Variants in ABCA1 observed in about 807,000 individuals in gnomAD.
The protein encoded by ABCA1 is ATP binding cassette subfamily A member 1.
Under a neutral mutation model 262.5 loss-of-function variants are expected in ABCA1, and 133 were observed. The ratio of observed to expected loss-of-function variants is 0.51; its 90% CI spans 0.44 to 0.59. The LOEUF is 0.59. Ranked by LOEUF, ABCA1 falls within the 20% of genes least tolerant of loss-of-function variation. ABCA1 has a pLI of 0.00. For synonymous variants in ABCA1, 1,022 were observed against 1,043.5 expected (o/e 0.98, Z 0.40); for missense variants, 2,452 against 2,777.5 (o/e 0.88, Z 2.63).
chr9:104,800,141 T>A (rs1000630592), intron 35 of ABCA1, among the ~76,000 whole-genome samples, 153 bp from the exon 36 acceptor site: 1 of 152,140 alleles, frequency 6.6e-6, no homozygotes, highest in African/African-American at 2.4e-5. Flanking sequence ...GGCGAAGTAA[T>A]TACAGTGTTC....
At chr9:104,903,893 T>G (rs1840874700) in intron 1 of ABCA1, 122 bp from the exon 2 acceptor site, 3 of 605,356 alleles carry the variant, frequency 5.0e-6, no homozygotes, top group Non-Finnish European at 8.9e-6. Flanking sequence ...GCATCATGAC[T>G]GCTTCTCAAT....
At chr9:104,810,720 A>G in intron 29 of ABCA1, 80 bp downstream of exon 29, 1 of 1,605,592 alleles carries the variant, frequency 6.2e-7, no homozygotes, top group South Asian at 1.1e-5. Flanking sequence ...GTAATTCTGA[A>G]GTCCATTCCC....
intron 46 of ABCA1, 135 bp from the exon 47 acceptor site, chr9:104,787,111 A>C: frequency 1.5e-6 from 1 of 688,266 alleles, no homozygotes; most frequent in Non-Finnish European, 2.4e-6. Context: ...TGATGAATCA[A>C]AGAATTAGAG....
At chr9:104,796,931 G>A (rs185716750) in intron 37 of ABCA1, among the ~76,000 whole-genome samples, 1 of 152,294 alleles carries the variant, frequency 6.6e-6, no homozygotes, top group East Asian at 1.9e-4. Context: ...GTAAAATGCA[G>A]AAATAAAGAC....
chr9:104,789,212 T>C (rs976686925), intron 44 of ABCA1, among the ~76,000 whole-genome samples: 8 of 152,214 alleles, frequency 5.3e-5, no homozygotes, highest in Admixed American at 2.0e-4. Context: ...GAATTAGGAT[T>C]GAGGCACACG....
intron 5 of ABCA1, among the ~76,000 whole-genome samples, chr9:104,874,799 C>CTGCCGCCCCGTCCGGG (rs1837970944): frequency 6.7e-6 from 1 of 149,034 alleles, no homozygotes; most frequent in Non-Finnish European, 1.5e-5. Context: ...CCCGCCCGGC[C>CTGCCGCCCCGTCCGGG]AGCCGCCCCG....
At chr9:104,913,283 A>G (rs1420473912) in intron 1 of ABCA1, among the ~76,000 whole-genome samples, 2 of 152,174 alleles carry the variant, frequency 1.3e-5, no homozygotes, top group African/African-American at 4.8e-5. Context: ...TTTCAGCAGG[A>G]AGAAAGGAGG....
Position 104,784,108 on chromosome 9 carries a change from C to T in ABCA1, c.*207G>A, listed in dbSNP as rs768343668. On this transcript the variant is annotated 3_prime_UTR_variant, in exon 50 of 50. Coordinates refer to ENST00000374736, the MANE Select transcript of ABCA1 (RefSeq NM_005502.4). ...TCAAGTCTTTCACTTGAGAGCCATA[C>T]AAGACATAGGCTACAAAGGCACTGC... 3.0e-5 allele frequency: 18 copies of T among 601,152 alleles called. No individual in the cohort carries two copies. Among genetic ancestry groups the T allele is most frequent in the Admixed American group, 6.0e-5 (2 of 33,318 alleles). 37.2% of individuals were successfully genotyped at this position (601,152 alleles called of 1,614,324 possible).
Position 104,786,286 on chromosome 9 carries a change from T to G in ABCA1, c.6401+12A>C. 6.2e-7 allele frequency: 1 copy of G among 1,606,186 alleles called. No homozygotes were observed. Among genetic ancestry groups the G allele is most frequent in the Non-Finnish European group, 8.5e-7 (1 of 1,173,124 alleles). ...TCACTAGGCACTATCCCAAAGAAATTATCTTTATTACCTATTTTTTAGATG... is the reference window on the plus strand; with the variant it reads ...TCACTAGGCACTATCCCAAAGAAATGATCTTTATTACCTATTTTTTAGATG... On this transcript the variant is annotated intron_variant, in intron 48 of 49. Transcript: ENST00000374736.
At chr9:104,914,847 G>A (rs143788018) in intron 1 of ABCA1, among the ~76,000 whole-genome samples, 4 of 152,292 alleles carry the variant, frequency 2.6e-5, no homozygotes, top group African/African-American at 9.6e-5. Context: ...TCAAGCAGGA[G>A]TGCATTTAAT....
At chr9:104,912,107 T>C (rs1196056331) in intron 1 of ABCA1, among the ~76,000 whole-genome samples, 1 of 152,248 alleles carries the variant, frequency 6.6e-6, no homozygotes, top group Non-Finnish European at 1.5e-5. Flanking sequence ...GACAAAATTA[T>C]TGCTAATAGC....
At chr9:104,871,903 G>A (rs1837644315) in intron 5 of ABCA1, among the ~76,000 whole-genome samples, 1 of 152,152 alleles carries the variant, frequency 6.6e-6, no homozygotes. Context: ...CACACAACAT[G>A]GGACTAGAAT....
intron 5 of ABCA1, among the ~76,000 whole-genome samples, chr9:104,870,393 G>A (rs561283704): frequency 6.6e-5 from 10 of 152,312 alleles, no homozygotes; most frequent in African/African-American, 1.9e-4. Context: ...TGAGCAGAGC[G>A]GTGAGCCTCC....
chr9:104,853,671 T>C (rs756170813), intron 7 of ABCA1, among the ~76,000 whole-genome samples: 7 of 152,220 alleles, frequency 4.6e-5, no homozygotes, highest in Non-Finnish European at 8.8e-5. Context: ...AGTTCAGAGA[T>C]GTTCTCCTCC....
At chr9:104,851,734 C>G (rs549085621) in intron 7 of ABCA1, among the ~76,000 whole-genome samples, 2 of 152,336 alleles carry the variant, frequency 1.3e-5, no homozygotes, top group East Asian at 3.9e-4. Context: ...AGGAATGAAA[C>G]AGAGAGGGCT....
At chr9:104,865,380 G>A (rs1836996747) in intron 5 of ABCA1, among the ~76,000 whole-genome samples, 1 of 152,096 alleles carries the variant, frequency 6.6e-6, no homozygotes, top group Non-Finnish European at 1.5e-5. Context: ...GCTGAGTGTG[G>A]TGGTGGGTGC....
At chr9:104,801,306 G>A (rs1319423013) in intron 34 of ABCA1, among the ~76,000 whole-genome samples, 5 of 148,702 alleles carry the variant, frequency 3.4e-5, no homozygotes, top group Non-Finnish European at 7.5e-5. Flanking sequence ...TGCAACCTCC[G>A]CCTCCCGGGT....
rs200931562 is a variant in ABCA1 at position 104,924,841 on chromosome 9, T to TA, written c.-93+3093dup. On this transcript the variant is annotated intron_variant, in intron 1 of 49. Transcript: ENST00000374736. ...CGGCTTACGGGAGAGAAGATCCCTT[T>TA]AAAAAAAAAATTTAAATGGAAAAAT... Among the ~76,000 whole-genome samples, 15 of 150,660 alleles carry TA rather than the reference T, an allele frequency of 1.0e-4. No individual in the cohort carries two copies. In the South Asian group the frequency reaches 1.0e-3, roughly 11 times the overall value.
chr9:104,868,313 T>C (rs1337775402), intron 5 of ABCA1, among the ~76,000 whole-genome samples: 2 of 152,080 alleles, frequency 1.3e-5, no homozygotes, highest in Admixed American at 6.5e-5. Context: ...GATCACGCCA[T>C]TGCAATCCAG....
Sources: gnomAD v4.1 joint callset for allele counts (sites outside exome capture counted in the v4.1 genomes callset) on GRCh38, gnomAD v4.1.1 for gene constraint, MANE v1.5 for transcripts, NCBI Gene and HGNC (gene_info 2026-07-23, HGNC 2026-07-21) for gene names.